The following CSMD1 variants were observed in gnomAD, a reference collection of about 807,000 sequenced individuals.
The protein encoded by CSMD1 is CUB and Sushi multiple domains 1.
A neutral mutation model predicts 417.5 loss-of-function variants in CSMD1; 213 were observed. That is an observed-to-expected ratio of 0.51 (90% CI 0.46 to 0.57). The LOEUF is 0.57. Ranked by LOEUF, CSMD1 falls within the 20% of genes least tolerant of loss-of-function variation. The probability of loss-of-function intolerance (pLI) is 0.00; values close to 1 mark genes in which losing one functional copy is unlikely to be tolerated. For missense variants in CSMD1, 6,923 were observed against 4,529.7 expected (o/e 1.53, Z -15.17); for synonymous variants, 2,862 against 1,736.8 (o/e 1.65, Z -16.11).
intron 13 of CSMD1, among the ~76,000 whole-genome samples, chr8:3,408,646 G>C (rs966551504): frequency 1.3e-5 from 2 of 152,106 alleles, no homozygotes; most frequent in East Asian, 1.9e-4. Context: ...TTTCCTGTGA[G>C]TGCATTTTCT....
intron 11 of CSMD1, among the ~76,000 whole-genome samples, chr8:3,479,010 A>G (rs942880055): frequency 6.6e-6 from 1 of 151,958 alleles, no homozygotes; most frequent in African/African-American, 2.4e-5. Context: ...CATCTCCCCA[A>G]GCCCACCCAA....
At chr8:3,218,015 A>C (rs1032914172) in intron 29 of CSMD1, among the ~76,000 whole-genome samples, 1 of 152,200 alleles carries the variant, frequency 6.6e-6, no homozygotes, top group African/African-American at 2.4e-5. Context: ...CATGAGAAAT[A>C]AATTTGAAAA....
At chr8:3,976,573 A>G (rs1019867590) in intron 5 of CSMD1, among the ~76,000 whole-genome samples, 2 of 152,236 alleles carry the variant, frequency 1.3e-5, no homozygotes, top group African/African-American at 4.8e-5. Flanking sequence ...AGCAATTAAG[A>G]CAAAGTAAAA....
Position 3,502,252 on chromosome 8 carries a change from C to G in CSMD1, c.1345-8526G>C, listed in dbSNP as rs112083392. ...TGGTGGTGGGCGCCTGTAGTCCCAG[C>G]TACTCGGGAGGCTGAGGCAGGAGAC... On this transcript the variant is annotated intron_variant, in intron 10 of 69. Coordinates refer to ENST00000635120, the MANE Select transcript of CSMD1 (RefSeq NM_033225.6). Among the ~76,000 whole-genome samples the G allele has an allele frequency of 6.8e-3, 1,016 of 150,290 alleles. 9 individuals carry two copies. Among genetic ancestry groups the G allele is most frequent in the Non-Finnish European group, 9.6e-3 (652 of 67,898 alleles).
chr8:4,118,095 G>A (rs1322339157), intron 3 of CSMD1, among the ~76,000 whole-genome samples: 2 of 152,078 alleles, frequency 1.3e-5, no homozygotes, highest in Non-Finnish European at 2.9e-5. Flanking sequence ...AAATTATAAG[G>A]CTTGTGTGTT....
chr8:3,510,958 T>C (rs995658425), intron 10 of CSMD1, among the ~76,000 whole-genome samples: 1 of 151,736 alleles, frequency 6.6e-6, no homozygotes, highest in Admixed American at 6.6e-5. Flanking sequence ...CTATTCACAA[T>C]AGCAAAGACT....
chr8:4,004,504 T>A (rs1245165733), intron 4 of CSMD1, among the ~76,000 whole-genome samples: 1 of 152,098 alleles, frequency 6.6e-6, no homozygotes, highest in Non-Finnish European at 1.5e-5. Flanking sequence ...ATTTTTGTGT[T>A]ATATTCAGCA....
chr8:4,941,434 G>A (rs12682178), intron 1 of CSMD1, among the ~76,000 whole-genome samples: 4,016 of 152,134 alleles, frequency 0.026, 164 homozygotes, highest in East Asian at 0.15. Context: ...GTTTATATAG[G>A]AAGCCATGTT....
chr8:3,369,779 G>A (rs547952121), intron 18 of CSMD1, among the ~76,000 whole-genome samples: 4 of 152,198 alleles, frequency 2.6e-5, no homozygotes, highest in Admixed American at 1.3e-4. Flanking sequence ...AAAAAGAAGA[G>A]AAAGTTTTAT....
In CSMD1 at chr8:4,295,891, C is replaced by T. The variant is rs113746106; in HGVS notation, c.415+124062G>A. On this transcript the variant is annotated intron_variant, in intron 3 of 69. Coordinates refer to ENST00000635120, the MANE Select transcript of CSMD1 (RefSeq NM_033225.6). ...AACAAGTACAATGCTCTTGTCTTTT[C>T]TCCATTGCCTGCTTCACTAATTACT... Among the ~76,000 whole-genome samples the T allele has an allele frequency of 5.4e-3, 813 of 150,928 alleles. 8 individuals are homozygous for T. Among genetic ancestry groups the T allele is most frequent in the African/African-American group, 0.018 (759 of 41,140 alleles).
At chr8:3,952,685 T>A (rs756152416) in intron 5 of CSMD1, among the ~76,000 whole-genome samples, 2 of 152,226 alleles carry the variant, frequency 1.3e-5, no homozygotes, top group Admixed American at 1.3e-4. Context: ...ATATTATTGT[T>A]GCACAGCATT....
chr8:4,543,774 G>A (rs577416378), intron 2 of CSMD1, among the ~76,000 whole-genome samples: 3 of 150,484 alleles, frequency 2.0e-5, no homozygotes, highest in African/African-American at 7.3e-5. Context: ...AGTTCCAGTG[G>A]ATTCATATTC....
chr8:4,915,953 C>G (rs980855239), intron 1 of CSMD1, among the ~76,000 whole-genome samples: 2 of 152,318 alleles, frequency 1.3e-5, no homozygotes, highest in East Asian at 1.9e-4. Flanking sequence ...ATCTCTTCCA[C>G]AGGAACATCT....
At chr8:4,938,974 T>G (rs1807806275) in intron 1 of CSMD1, among the ~76,000 whole-genome samples, 1 of 152,202 alleles carries the variant, frequency 6.6e-6, no homozygotes, top group Non-Finnish European at 1.5e-5. Flanking sequence ...CCTTTGTCCA[T>G]GTTTAAATCA....
chr8:3,116,494 G>C (rs7016211), intron 42 of CSMD1, among the ~76,000 whole-genome samples: 24,561 of 152,066 alleles, frequency 0.16, 3,853 homozygotes, highest in African/African-American at 0.41. Flanking sequence ...TCTTCTAATG[G>C]AGAATGAAGC....
At chr8:3,819,430 A>T (rs372983221) in intron 5 of CSMD1, among the ~76,000 whole-genome samples, 2 of 152,130 alleles carry the variant, frequency 1.3e-5, no homozygotes, top group Admixed American at 6.5e-5. Context: ...CAAGGTAAAG[A>T]AAGTTGGAAG....
intron 3 of CSMD1, among the ~76,000 whole-genome samples, chr8:4,133,363 T>G (rs2130988161): frequency 6.6e-6 from 1 of 152,344 alleles, no homozygotes; most frequent in South Asian, 2.1e-4. Context: ...TTCACAAAGC[T>G]TAATAAAGTG....
intron 3 of CSMD1, among the ~76,000 whole-genome samples, chr8:4,291,675 C>G (rs528028590): frequency 3.2e-4 from 49 of 152,052 alleles, no homozygotes; most frequent in Non-Finnish European, 5.6e-4. Flanking sequence ...CAGAAAGATA[C>G]AAAATTCTTT....
chr8:3,451,765 G>A (rs534606866), intron 12 of CSMD1, among the ~76,000 whole-genome samples: 2 of 152,108 alleles, frequency 1.3e-5, no homozygotes, highest in African/African-American at 4.8e-5. Flanking sequence ...CTCCAGCTTT[G>A]TTCTTTTGGC....
Sources: gnomAD v4.1 joint callset for allele counts (sites outside exome capture counted in the v4.1 genomes callset) on GRCh38, gnomAD v4.1.1 for gene constraint, MANE v1.5 for transcripts, NCBI Gene and HGNC (gene_info 2026-07-23, HGNC 2026-07-21) for gene names.